CSF2RA: variants seen among roughly 807,000 people sequenced by gnomAD.
CSF2RA encodes the protein colony stimulating factor 2 receptor subunit alpha.
A neutral mutation model predicts 51.6 loss-of-function variants in CSF2RA; 42 were observed. That is an observed-to-expected ratio of 0.81 (90% confidence interval 0.64 to 1.05). The LOEUF is 1.05. Among genes scored for constraint, CSF2RA ranks in the 50% least tolerant of loss-of-function variants. The pLI, the probability that CSF2RA is intolerant of heterozygous loss-of-function variation, is 0.00. For missense variants in CSF2RA, 530 were observed against 501.1 expected (o/e 1.06, Z -0.55); for synonymous variants, 222 against 193.0 (o/e 1.15, Z -1.24).
At chrX:1,316,380 T>C in the CSF2RA span, among the ~76,000 whole-genome samples, 2 of 152,128 alleles carry the variant, frequency 1.3e-5, no homozygotes, top group Non-Finnish European at 2.9e-5. Flanking sequence ...TTGGAACTGA[T>C]CTCACTTGTT....
chrX:1,278,355 C>T (rs28794247), intron 2 of CSF2RA, among the ~76,000 whole-genome samples: 32,518 of 147,076 alleles, frequency 0.22, 4,223 homozygotes, highest in East Asian at 0.32. Context: ...GATTTCAGGG[C>T]GAGCAAGTTT....
chrX:1,323,825 T>G, the CSF2RA span, among the ~76,000 whole-genome samples: 9 of 151,264 alleles, frequency 5.9e-5, no homozygotes, highest in South Asian at 1.9e-3. Flanking sequence ...CCATCCTGGC[T>G]AACACGGTGA....
At chrX:1,302,146 C>A (rs113149639) in intron 10 of CSF2RA, among the ~76,000 whole-genome samples, 10 of 151,342 alleles carry the variant, frequency 6.6e-5, no homozygotes, top group Non-Finnish European at 5.9e-5. Flanking sequence ...GAACTCCTGA[C>A]CTCAGGTGAT....
intron 7 of CSF2RA, among the ~76,000 whole-genome samples, chrX:1,293,281 G>T (rs28574703): frequency 6.6e-6 from 1 of 151,562 alleles, no homozygotes; most frequent in Admixed American, 6.6e-5. Context: ...GGCAGTGGCG[G>T]GATCTCGGCT....
intron 2 of CSF2RA, among the ~76,000 whole-genome samples, chrX:1,275,507 C>G (rs1453456576): frequency 6.6e-6 from 1 of 152,106 alleles, no homozygotes; most frequent in African/African-American, 2.4e-5. Context: ...GGTTGAGCGG[C>G]AGTTTGGTTT....
intron 6 of CSF2RA, 98 bp downstream of exon 6, chrX:1,288,986 T>C: frequency 6.5e-7 from 1 of 1,534,650 alleles, no homozygotes; most frequent in Non-Finnish European, 9.0e-7. Flanking sequence ...TTTTAAGACA[T>C]GGTCTTGCTC....
At chrX:1,271,817 G>A (rs1210000105) in intron 1 of CSF2RA, among the ~76,000 whole-genome samples, 10 of 152,034 alleles carry the variant, frequency 6.6e-5, no homozygotes, top group East Asian at 1.9e-4. Context: ...GAGCCCGGCC[G>A]GATTTCACTC....
chrX:1,295,395 G>A (rs1225710137), intron 8 of CSF2RA, 32 bp from the exon 9 acceptor site: 1 of 1,613,390 alleles, frequency 6.2e-7, no homozygotes. Context: ...TGGAAACAGT[G>A]AGCCTTGTGT....
the CSF2RA span, among the ~76,000 whole-genome samples, chrX:1,317,452 C>A: frequency 6.8e-6 from 1 of 147,950 alleles, no homozygotes; most frequent in Non-Finnish European, 1.5e-5. Flanking sequence ...GCTTTCTCCA[C>A]ATCAGTCAGG....
intron 6 of CSF2RA, 71 bp from the exon 7 acceptor site, chrX:1,290,266 T>C: frequency 6.4e-6 from 8 of 1,251,398 alleles, no homozygotes; most frequent in Non-Finnish European, 3.5e-6. Context: ...TGTTTGTTTT[T>C]GTTTTGTTTT....
the CSF2RA span, among the ~76,000 whole-genome samples, chrX:1,325,183 AC>A: frequency 2.7e-5 from 4 of 147,952 alleles, no homozygotes; most frequent in East Asian, 2.0e-4. Context: ...ACGTGTTGAA[AC>A]CCCCGTCTCT....
downstream of CSF2RA, among the ~76,000 whole-genome samples, chrX:1,314,344 C>T (rs868480043): frequency 2.8e-4 from 37 of 130,754 alleles, 1 homozygote; most frequent in African/African-American, 6.9e-4. Flanking sequence ...AACCCCACTG[C>T]GCCTGCCCAA....
downstream of CSF2RA, among the ~76,000 whole-genome samples, chrX:1,313,401 T>G (rs1431400802): frequency 1.3e-5 from 2 of 151,166 alleles, no homozygotes; most frequent in African/African-American, 2.4e-5. Context: ...GCCACTGCAC[T>G]CCAATCTGGG....
chrX:1,325,107 T>A, the CSF2RA span, among the ~76,000 whole-genome samples: 1 of 151,136 alleles, frequency 6.6e-6, no homozygotes, highest in East Asian at 2.0e-4. Context: ...ACGCCTGTCA[T>A]CCCAGCACTT....
At chrX:1,271,984 C>G (rs192726846) in intron 1 of CSF2RA, among the ~76,000 whole-genome samples, 1 of 147,144 alleles carries the variant, frequency 6.8e-6, no homozygotes, top group African/African-American at 2.5e-5. Context: ...GACGGAGTCT[C>G]GCTCTGTCAC....
At chrX:1,305,790 G>A in intron 12 of CSF2RA, 7 of 1,550,586 alleles carry the variant, frequency 4.5e-6, no homozygotes, top group Middle Eastern at 1.8e-4. Flanking sequence ...AGGAGAAGAC[G>A]GTAGAGAGGG....
chrX:1,271,050 A>G (rs1424727910), intron 1 of CSF2RA, among the ~76,000 whole-genome samples: 2 of 151,700 alleles, frequency 1.3e-5, no homozygotes, highest in East Asian at 3.9e-4. Context: ...AATTATTACA[A>G]ATTTTAAAAA....
chrX:1,289,632 TTTG>T (rs1339438962), intron 6 of CSF2RA, among the ~76,000 whole-genome samples: 1 of 151,974 alleles, frequency 6.6e-6, no homozygotes, highest in African/African-American at 2.4e-5. Flanking sequence ...TGTTTTGTGT[TTTG>T]TTTTGTGTTT....
chrX:1,279,074 C>T (rs1426071476), intron 2 of CSF2RA, among the ~76,000 whole-genome samples: 3 of 148,990 alleles, frequency 2.0e-5, no homozygotes, highest in Non-Finnish European at 3.0e-5. Context: ...GAAGGCCGTA[C>T]GTACAGTGGC....
Sources: gnomAD v4.1 joint callset for allele counts (sites outside exome capture counted in the v4.1 genomes callset) on GRCh38, gnomAD v4.1.1 for gene constraint, MANE v1.5 for transcripts, NCBI Gene and HGNC (gene_info 2026-07-23, HGNC 2026-07-21) for gene names.